Variants in NFAT5 observed in about 807,000 individuals in gnomAD.
NFAT5 encodes nuclear factor of activated T cells 5.
Under a neutral mutation model 166.5 loss-of-function variants are expected in NFAT5, and 31 were observed. The observed-to-expected ratio is 0.19, with a 90% CI of 0.14 to 0.25. The LOEUF (loss-of-function observed/expected upper bound fraction) is 0.25, where lower values mean the gene tolerates loss of function less well. Ranked by LOEUF, NFAT5 falls within the 10% of genes least tolerant of loss-of-function variation. The pLI is 1.00. For missense variants in NFAT5, 1,449 were observed against 1,821.8 expected (o/e 0.80, Z 3.72); for synonymous variants, 612 against 639.7 (o/e 0.96, Z 0.65).
At chr16:69,574,520 A>G (rs371823445) in intron 2 of NFAT5, among the ~76,000 whole-genome samples, 2 of 152,190 alleles carry the variant, frequency 1.3e-5, no homozygotes, top group African/African-American at 4.8e-5. Context: ...TGAGTTAACT[A>G]CAGATAATGG....
Position 69,699,876 on chromosome 16 carries a change from T to C in NFAT5, c.*3525T>C, listed in dbSNP as rs1330868133. On this transcript the variant is annotated 3_prime_UTR_variant, in exon 15 of 15. Transcript: ENST00000349945. Reference sequence around the variant, plus strand: ...TATGTGTGTGTGTGTGTGTGTGTGTTTCCTTATTGTCATTCCATTATATAT... The same window carrying C: ...TATGTGTGTGTGTGTGTGTGTGTGTCTCCTTATTGTCATTCCATTATATAT... The C allele has an allele frequency of 6.7e-6, 1 of 148,308 alleles. No homozygotes were observed. Among genetic ancestry groups the C allele is most frequent in the Non-Finnish European group, 1.5e-5 (1 of 66,824 alleles). The allele number at this position is 148,308 out of a possible 1,614,324, so 9.2% of individuals were successfully genotyped here.
intron 7 of NFAT5, among the ~76,000 whole-genome samples, chr16:69,663,969 T>C (rs2036255184): frequency 6.6e-6 from 1 of 152,202 alleles, no homozygotes; most frequent in Non-Finnish European, 1.5e-5. Flanking sequence ...CTTTCTTACA[T>C]GTAATATATA....
chr16:69,627,921 AT>A (rs1375885047), intron 3 of NFAT5, among the ~76,000 whole-genome samples: 2 of 152,294 alleles, frequency 1.3e-5, no homozygotes, highest in East Asian at 1.9e-4. Context: ...AAGATAAAAT[AT>A]TTTTTATGAG....
At position 69,669,943 on chromosome 16, in the gene NFAT5, GTTC is replaced by G. The variant is rs768234114; in HGVS notation, c.1370-28_1370-26del. The G allele has an allele frequency of 2.5e-5, 38 of 1,518,242 alleles. No homozygotes were observed. The African/African-American group carries it at 3.3e-4, about 13-fold the overall frequency. 94.0% of individuals were successfully genotyped at this position (1,518,242 alleles called of 1,614,324 possible). A position where few individuals can be genotyped will look rare whatever the true frequency, so the allele number is the denominator to read the frequency against. On this transcript the variant is annotated intron_variant, in intron 7 of 14. Coordinates refer to ENST00000349945, the MANE Select transcript of NFAT5 (RefSeq NM_138713.4). ...TTTAGGTAAGAAATAAGTTTTGGTG[GTTC>G]TTCTTATAGAATGCTTATGTATCTC...
At chr16:69,584,345 T>TA (rs1481232377) in intron 2 of NFAT5, among the ~76,000 whole-genome samples, 2 of 151,402 alleles carry the variant, frequency 1.3e-5, no homozygotes, top group African/African-American at 4.8e-5. Flanking sequence ...GACAGAGTGT[T>TA]ACTCTGTCAT....
chr16:69,595,669 G>A (rs2032750810), intron 2 of NFAT5, among the ~76,000 whole-genome samples: 1 of 152,122 alleles, frequency 6.6e-6, no homozygotes, highest in Non-Finnish European at 1.5e-5. Flanking sequence ...GTAGATCTTA[G>A]CAGCCTCAGC....
At chr16:69,679,351 C>G (rs2036961096) in intron 10 of NFAT5, among the ~76,000 whole-genome samples, 1 of 152,038 alleles carries the variant, frequency 6.6e-6, no homozygotes, top group Non-Finnish European at 1.5e-5. Flanking sequence ...CATGGTGGCT[C>G]ACACCTGTAA....
rs2037903451 is a variant in NFAT5, at chr16:69,701,838, CTTCT to C, written c.*5489_*5492del. On this transcript the variant is annotated 3_prime_UTR_variant, in exon 15 of 15. Transcript: ENST00000349945. ...GGGCAAAGTTGTTTATGTTAGTGTA[CTTCT>C]TGTCTATCCTCAGTTAATTTACCTA... 1 of 152,088 alleles carries C rather than the reference CTTCT, an allele frequency of 6.6e-6. No homozygotes were observed. The highest frequency in any genetic ancestry group is 2.1e-4 in the South Asian group (1 of 4,824). 9.4% of individuals were successfully genotyped at this position (152,088 alleles called of 1,614,324 possible). A position where few individuals can be genotyped will look rare whatever the true frequency, so the allele number is the denominator to read the frequency against.
chr16:69,595,558 T>C (rs888512722), intron 2 of NFAT5, among the ~76,000 whole-genome samples: 4 of 152,258 alleles, frequency 2.6e-5, no homozygotes, highest in Admixed American at 6.5e-5. Flanking sequence ...TATCTTGCTC[T>C]GGCTGTAACT....
At chr16:69,667,509 AAG>A (rs2036447590) in intron 7 of NFAT5, among the ~76,000 whole-genome samples, 2 of 151,670 alleles carry the variant, frequency 1.3e-5, no homozygotes, top group African/African-American at 2.4e-5. Flanking sequence ...AAAAAAAAAA[AAG>A]AAAGTAACCG....
chr16:69,637,696 C>T (rs2035026829), intron 3 of NFAT5, among the ~76,000 whole-genome samples: 1 of 152,172 alleles, frequency 6.6e-6, no homozygotes, highest in Non-Finnish European at 1.5e-5. Context: ...TGGGTCCATC[C>T]TGTGACACAT....
At chr16:69,617,090 C>G (rs910558777) in intron 2 of NFAT5, among the ~76,000 whole-genome samples, 2 of 151,564 alleles carry the variant, frequency 1.3e-5, no homozygotes, top group Non-Finnish European at 2.9e-5. Flanking sequence ...ACAACAGGCG[C>G]CCACCATCAC....
chr16:69,568,681 CT>C, intron 2 of NFAT5, 133 bp downstream of exon 2: 1 of 580,692 alleles, frequency 1.7e-6, no homozygotes, highest in Non-Finnish European at 2.9e-6. Flanking sequence ...TCTGATCCTT[CT>C]TTTAGAGCAG....
chr16:69,571,129 TAA>T (rs56221116), intron 2 of NFAT5, among the ~76,000 whole-genome samples: 8 of 31,376 alleles, frequency 2.5e-4, no homozygotes, highest in African/African-American at 6.4e-4. Flanking sequence ...CCATCTCTAC[TAA>T]AAAAAAAAAA....
chr16:69,598,898 C>T (rs1239066606), intron 2 of NFAT5, among the ~76,000 whole-genome samples: 1 of 151,616 alleles, frequency 6.6e-6, no homozygotes, highest in Non-Finnish European at 1.5e-5. Flanking sequence ...CCTGTAATTC[C>T]AGCTACTCAG....
Position 69,566,045 on chromosome 16 carries a change from C to G in NFAT5, c.-257C>G, listed in dbSNP as rs1337603129. ...GAAACACGAAACGGACCCTTTGGCTCTCCCCCTTCCCCTTCCCCGTCCTGA... is the reference window on the plus strand; with the variant it reads ...GAAACACGAAACGGACCCTTTGGCTGTCCCCCTTCCCCTTCCCCGTCCTGA... On this transcript the variant is annotated 5_prime_UTR_variant, in exon 1 of 15. Coordinates refer to ENST00000349945, the MANE Select transcript of NFAT5 (RefSeq NM_138713.4). This position sits in a 1 kb window ranked among gnomAD's most constrained non-coding sequence, Gnocchi z 5.7. 2 of 459,638 alleles carry G rather than the reference C, an allele frequency of 4.4e-6. No homozygotes were observed. The highest frequency in any genetic ancestry group is 7.6e-6 in the Non-Finnish European group (2 of 263,570). The allele number at this position is 459,638 out of a possible 1,614,324, so 28.5% of individuals were successfully genotyped here.
At chr16:69,620,543 G>T (rs1158740125) in intron 2 of NFAT5, among the ~76,000 whole-genome samples, 1 of 152,126 alleles carries the variant, frequency 6.6e-6, no homozygotes, top group Non-Finnish European at 1.5e-5. Context: ...GGACCAGCCT[G>T]GCCAACATAG....
chr16:69,622,174 A>G (rs1400965469), intron 2 of NFAT5, among the ~76,000 whole-genome samples: 1 of 152,160 alleles, frequency 6.6e-6, no homozygotes, highest in Non-Finnish European at 1.5e-5. Context: ...TTCAGATTGT[A>G]TGGTTATAGT....
chr16:69,656,086 G>A lies in NFAT5; in HGVS notation c.1196+287G>A, dbSNP rs1293698673. On this transcript the variant is annotated intron_variant, in intron 6 of 14. Coordinates refer to ENST00000349945, the MANE Select transcript of NFAT5 (RefSeq NM_138713.4). Reference sequence around the variant, plus strand: ...ACCTGAGGTCAGGAGTTAGAGACCAGCCTGGCCAACATGGTGAAACCCTGT... The same window carrying A: ...ACCTGAGGTCAGGAGTTAGAGACCAACCTGGCCAACATGGTGAAACCCTGT... 2.0e-5 allele frequency among the ~76,000 whole-genome samples: 3 copies of A among 152,152 alleles called. No homozygotes were observed. In the East Asian group the frequency reaches 5.8e-4, roughly 30 times the overall value.
Sources: gnomAD v4.1 joint callset for allele counts (sites outside exome capture counted in the v4.1 genomes callset) on GRCh38, gnomAD v4.1.1 for gene constraint, Gnocchi (gnomAD v3.1) non-coding constraint, MANE v1.5 for transcripts, NCBI Gene and HGNC (gene_info 2026-07-23, HGNC 2026-07-21) for gene names.